The following SLC14A2 variants were observed in gnomAD, a reference collection of about 807,000 sequenced individuals.
The protein encoded by SLC14A2 is solute carrier family 14 member 2.
Under a neutral mutation model 104.6 loss-of-function variants are expected in SLC14A2, and 91 were observed. The observed-to-expected ratio is 0.87, with a 90% CI of 0.73 to 1.04. The LOEUF (loss-of-function observed/expected upper bound fraction) is 1.04. Among genes scored for constraint, SLC14A2 ranks in the 50% least tolerant of loss-of-function variants. SLC14A2 has a pLI of 0.00. For synonymous variants in SLC14A2, 476 were observed against 466.4 expected (o/e 1.02, Z -0.27); for missense variants, 1,189 against 1,156.0 (o/e 1.03, Z -0.41).
At chr18:45,314,114 G>T (rs1465413752) in intron 1 of SLC14A2, among the ~76,000 whole-genome samples, 1 of 152,222 alleles carries the variant, frequency 6.6e-6, no homozygotes, top group Non-Finnish European at 1.5e-5. Context: ...AGCAGAAGAG[G>T]CCAGATGTGG....
At chr18:45,214,066 A>G (rs2083985962) in intron 1 of SLC14A2, among the ~76,000 whole-genome samples, 1 of 152,230 alleles carries the variant, frequency 6.6e-6, no homozygotes, top group African/African-American at 2.4e-5. Context: ...GAGATAGGTG[A>G]GATGAGGTTC....
At chr18:45,538,526 C>T (rs1439763115) in intron 2 of SLC14A2, among the ~76,000 whole-genome samples, 1 of 152,226 alleles carries the variant, frequency 6.6e-6, no homozygotes, top group African/African-American at 2.4e-5. Context: ...GGCTGCTGGC[C>T]CCAGGCTTCA....
intron 1 of SLC14A2, among the ~76,000 whole-genome samples, chr18:45,260,656 G>C (rs1177948540): frequency 6.6e-6 from 1 of 152,132 alleles, no homozygotes; most frequent in African/African-American, 2.4e-5. Flanking sequence ...CATGTCCTTT[G>C]CAGCAACATG....
chr18:45,297,286 C>A (rs552239198), intron 1 of SLC14A2, among the ~76,000 whole-genome samples: 35 of 152,280 alleles, frequency 2.3e-4, no homozygotes, highest in African/African-American at 8.2e-4. Context: ...TTGTCTAATT[C>A]AGTGTAATCA....
At chr18:45,625,149 G>T (rs977570895) in intron 2 of SLC14A2, among the ~76,000 whole-genome samples, 1 of 152,150 alleles carries the variant, frequency 6.6e-6, no homozygotes, top group Non-Finnish European at 1.5e-5. Context: ...AGCATCCTCG[G>T]TGGTAGCACA....
chr18:45,515,514 C>T (rs1453769395), intron 2 of SLC14A2: 1 of 152,204 alleles, frequency 6.6e-6, no homozygotes, highest in African/African-American at 2.4e-5. Flanking sequence ...CACCAGGAGA[C>T]ACAATGCTCT....
intron 2 of SLC14A2, among the ~76,000 whole-genome samples, chr18:45,500,360 G>T (rs910654573): frequency 6.6e-6 from 1 of 151,886 alleles, no homozygotes. Context: ...GGCGGATCAC[G>T]AGGTCAGGAG....
At chr18:45,517,838 G>A (rs1164994391) in intron 2 of SLC14A2, among the ~76,000 whole-genome samples, 2 of 152,108 alleles carry the variant, frequency 1.3e-5, no homozygotes, top group Non-Finnish European at 2.9e-5. Context: ...TAAGTTCATA[G>A]GGGTACAAAA....
chr18:45,298,978 A>G (rs1301652480), intron 1 of SLC14A2, among the ~76,000 whole-genome samples: 2 of 143,642 alleles, frequency 1.4e-5, no homozygotes, highest in East Asian at 4.1e-4. Context: ...TTTAACTGTT[A>G]AAAAAAAAAA....
chr18:45,400,311 C>T (rs140148018), intron 1 of SLC14A2, among the ~76,000 whole-genome samples: 6 of 152,258 alleles, frequency 3.9e-5, no homozygotes, highest in Non-Finnish European at 5.9e-5. Context: ...ATGTGTTTTG[C>T]GATTACAAGG....
chr18:45,561,693 C>T (rs12454186), intron 2 of SLC14A2, among the ~76,000 whole-genome samples: 42,995 of 152,106 alleles, frequency 0.28, 7,196 homozygotes, highest in Admixed American at 0.36. Flanking sequence ...CCCTCCCTCC[C>T]TCTCCAGCAA....
intron 1 of SLC14A2, among the ~76,000 whole-genome samples, chr18:45,440,863 T>G (rs2086671602): frequency 6.6e-6 from 1 of 151,950 alleles, no homozygotes; most frequent in Admixed American, 6.5e-5. Flanking sequence ...TGAGACACTT[T>G]GAGTCCTTAG....
In SLC14A2 at chr18:45,663,799, C is replaced by T; in HGVS notation, c.1366C>T (p.His456Tyr). ...CCCCTGGCTAGGAGGCGGTGGGGAG[C>T]ATCCACCCACAGCAGGCCCAAAGGT... ...EKAPSGGGGE[H>Y]PPTAGPKVEE... The change falls in exon 11 of 20, where the codon CAT (histidine) becomes TAT (tyrosine). Residue 456 changes from histidine to tyrosine, a missense_variant. Physicochemically the swap from His to Tyr is moderately conservative, Grantham distance 83. Coordinates refer to ENST00000255226, the MANE Select transcript of SLC14A2 (RefSeq NM_007163.4). The T allele has an allele frequency of 6.2e-7, 1 of 1,612,554 alleles. No homozygotes were observed. Among genetic ancestry groups the T allele is most frequent in the Non-Finnish European group, 8.5e-7 (1 of 1,179,746 alleles).
intron 2 of SLC14A2, among the ~76,000 whole-genome samples, chr18:45,578,780 C>T (rs773490349): frequency 2.6e-5 from 4 of 152,222 alleles, no homozygotes; most frequent in Non-Finnish European, 5.9e-5. Flanking sequence ...CCTTTTCTCT[C>T]ACAGAGTGTA....
intron 1 of SLC14A2, among the ~76,000 whole-genome samples, chr18:45,286,624 G>A (rs16978329): frequency 0.042 from 6,343 of 152,144 alleles, 176 homozygotes; most frequent in Middle Eastern, 0.12. Context: ...GAAACTGAGG[G>A]GATTTCCCAA....
intron 2 of SLC14A2, chr18:45,542,524 G>A (rs189259460): frequency 4.8e-4 from 73 of 152,222 alleles, no homozygotes; most frequent in East Asian, 1.4e-3. Context: ...GATAAACAAT[G>A]ATAGCATCCA....
intron 2 of SLC14A2, among the ~76,000 whole-genome samples, chr18:45,486,695 A>G (rs569189496): frequency 1.3e-5 from 2 of 152,338 alleles, no homozygotes; most frequent in East Asian, 3.9e-4. Context: ...GAAAAAGAGT[A>G]TCTCACTCCT....
At chr18:45,300,594 G>C (rs2084958967) in intron 1 of SLC14A2, among the ~76,000 whole-genome samples, 3 of 152,170 alleles carry the variant, frequency 2.0e-5, no homozygotes, top group African/African-American at 7.2e-5. Flanking sequence ...GGGATGTGAA[G>C]TTTTTTAAAA....
intron 1 of SLC14A2, among the ~76,000 whole-genome samples, chr18:45,288,134 T>G (rs929301212): frequency 6.6e-6 from 1 of 151,796 alleles, no homozygotes; most frequent in East Asian, 1.9e-4. Context: ...AGAAAGTGAG[T>G]GCTACAAAGC....
Sources: gnomAD v4.1 joint callset for allele counts (sites outside exome capture counted in the v4.1 genomes callset) on GRCh38, gnomAD v4.1.1 for gene constraint, MANE v1.5 for transcripts, NCBI Gene and HGNC (gene_info 2026-07-23, HGNC 2026-07-21) for gene names.